The following C5 variants were observed in gnomAD, a reference collection of about 807,000 sequenced individuals.
C5 encodes the protein complement C5, also known as C3 and PZP-like alpha-2-macroglobulin domain-containing protein 4.
Under a neutral mutation model 218.8 loss-of-function variants are expected in C5, and 140 were observed. The ratio of observed to expected loss-of-function variants is 0.64; its 90% CI spans 0.56 to 0.74. The LOEUF (loss-of-function observed/expected upper bound fraction) is 0.74. C5 is among the 30% of genes least tolerant of loss of function. C5 has a pLI of 0.00. For missense variants in C5, 1,700 were observed against 1,969.6 expected, an observed-to-expected ratio of 0.86 and a Z score of 2.59; for synonymous variants, 614 against 682.3, an observed-to-expected ratio of 0.90 and a Z score of 1.56.
At chr9:120,960,480 C>T (rs2046818956) in intron 37 of C5, 143 bp from the exon 38 acceptor site, 1 of 650,186 alleles carries the variant, frequency 1.5e-6, no homozygotes, top group African/African-American at 1.8e-5. Flanking sequence ...TGCCCATTTT[C>T]TTTTCTTTCA....
chr9:121,022,653 G>A (rs1035569822), intron 10 of C5, among the ~76,000 whole-genome samples: 1 of 149,680 alleles, frequency 6.7e-6, no homozygotes, highest in Non-Finnish European at 1.5e-5. Context: ...AAAAAATTTT[G>A]CTCTGGATTT....
intron 4 of C5, 134 bp downstream of exon 4, chr9:121,037,747 T>C: frequency 1.9e-6 from 1 of 528,848 alleles, no homozygotes; most frequent in Non-Finnish European, 3.5e-6. Flanking sequence ...TATGATTCTA[T>C]ACTCATTGCA....
intron 31 of C5, among the ~76,000 whole-genome samples, chr9:120,971,655 T>C (rs1271736349): frequency 6.6e-6 from 1 of 152,208 alleles, no homozygotes; most frequent in African/African-American, 2.4e-5. Context: ...GCCAGGGTGG[T>C]CTTGATCTCC....
the C5 span, among the ~76,000 whole-genome samples, chr9:121,065,501 C>A: frequency 3.3e-5 from 5 of 152,072 alleles, no homozygotes; most frequent in Non-Finnish European, 7.4e-5. Context: ...CTGCTGTCAC[C>A]CAGGCTGGAG....
intron 9 of C5, among the ~76,000 whole-genome samples, chr9:121,024,230 A>G (rs1337967358): frequency 1.9e-4 from 1 of 5,222 alleles, no homozygotes; most frequent in African/African-American, 1.2e-3. Context: ...GGAGGGAGGG[A>G]GGGGAGGGGA....
intron 22 of C5, among the ~76,000 whole-genome samples, chr9:120,993,253 A>G (rs923777912): frequency 5.9e-5 from 9 of 152,204 alleles, no homozygotes; most frequent in African/African-American, 2.2e-4. Flanking sequence ...GGCATTAAAT[A>G]TGTATATATC....
Position 120,991,196 on chromosome 9 carries a change from A to G in C5, c.2936T>C (p.Val979Ala). The change falls in exon 23 of 41, where the codon GTA (valine) becomes GCA (alanine). Residue 979 changes from valine (V) to alanine (A), a missense_variant. By Grantham distance (64) the Val-to-Ala change is moderately conservative. Coordinates refer to ENST00000223642, the MANE Select transcript of C5 (RefSeq NM_001735.3). ...AATGGCATTTGTTAATTTACCTTTTACACTCAAAATCCTTTTGATTTCTGT... is the reference window on the plus strand; with the variant it reads ...AATGGCATTTGTTAATTTACCTTTTGCACTCAAAATCCTTTTGATTTCTGT... The part of the protein sequence containing the change: ...PKTEIKRILS[V>A]KGLLVGEILS... 6.3e-7 allele frequency: 1 copy of G among 1,577,666 alleles called. No individual in the cohort carries two copies. The highest frequency in any genetic ancestry group is 1.3e-5 in the African/African-American group (1 of 74,354).
At chr9:121,050,114 T>C (rs1200843182) in intron 1 of C5, 68 bp downstream of exon 1, 27 of 1,248,850 alleles carry the variant, frequency 2.2e-5, no homozygotes. Flanking sequence ...ACAGAATCTG[T>C]TAAATTTAAC....
chr9:120,998,750 A>G (rs1332450540), intron 20 of C5, among the ~76,000 whole-genome samples: 1 of 152,202 alleles, frequency 6.6e-6, no homozygotes, highest in Non-Finnish European at 1.5e-5. Context: ...AATAGTGCCC[A>G]CTGACTTCTG....
At chr9:121,049,117 GAATC>G (rs952939367) in intron 1 of C5, among the ~76,000 whole-genome samples, 11 of 152,192 alleles carry the variant, frequency 7.2e-5, no homozygotes, top group African/African-American at 1.9e-4. Flanking sequence ...AATATTTGTT[GAATC>G]AATCAATCAA....
chr9:121,023,369 A>G, intron 10 of C5, 35 bp downstream of exon 10: 1 of 1,214,986 alleles, frequency 8.2e-7, no homozygotes, highest in Non-Finnish European at 1.2e-6. Context: ...CAAGATGATC[A>G]TATGTAGCAA....
intron 16 of C5, among the ~76,000 whole-genome samples, chr9:121,014,724 A>T (rs1309599459): frequency 6.6e-6 from 1 of 152,214 alleles, no homozygotes; most frequent in Non-Finnish European, 1.5e-5. Flanking sequence ...CTACAGTAAC[A>T]TGACGAATTA....
chr9:120,958,610 A>T (rs7027891), intron 38 of C5, among the ~76,000 whole-genome samples: 30,116 of 151,838 alleles, frequency 0.2, 5,256 homozygotes, highest in African/African-American at 0.47. Context: ...AAGAAAGAAA[A>T]GTTATTAACC....
At chr9:121,047,913 T>G (rs113468788) in intron 1 of C5, among the ~76,000 whole-genome samples, 13 of 152,326 alleles carry the variant, frequency 8.5e-5, no homozygotes, top group African/African-American at 3.1e-4. Context: ...GGCACTATTC[T>G]GAATACTTTA....
chr9:121,041,212 G>T (rs1189349474), intron 3 of C5, among the ~76,000 whole-genome samples: 2 of 149,948 alleles, frequency 1.3e-5, no homozygotes, highest in Non-Finnish European at 3.0e-5. Flanking sequence ...CCAAAGTACT[G>T]GGATTACAGG....
At chr9:120,993,952 C>T (rs1403443695) in intron 22 of C5, among the ~76,000 whole-genome samples, 2 of 152,102 alleles carry the variant, frequency 1.3e-5, no homozygotes, top group Non-Finnish European at 2.9e-5. Context: ...CCTGCCTAAA[C>T]CAATGAGGAT....
At chr9:121,033,511 G>C (rs537323388) in intron 5 of C5, among the ~76,000 whole-genome samples, 1 of 152,332 alleles carries the variant, frequency 6.6e-6, no homozygotes, top group African/African-American at 2.4e-5. Context: ...ATGTGCAAAG[G>C]CACGGAGGTA....
At position 121,021,532 on chromosome 9, in the gene C5, C is replaced by T. The variant is rs769940933; in HGVS notation, c.1279G>A (p.Gly427Arg). 2 of 1,613,748 alleles carry T rather than the reference C, an allele frequency of 1.2e-6. No homozygotes were observed. The highest frequency in any genetic ancestry group is 8.5e-7 in the Non-Finnish European group (1 of 1,179,706). The change falls in exon 11 of 41, where the codon GGA (glycine) becomes AGA (arginine). Residue 427 changes from glycine to arginine, a missense_variant. Transcript: ENST00000223642. ...ACATTAAACTCCAGCACCGTCACTC[C>T]AGATGGGAGATTAAGCACAAAGGAA... is the stretch of plus-strand genomic sequence containing the variant. Reference protein sequence around the residue: ...VASFVLNLPSGVTVLEFNVKT... With the variant: ...VASFVLNLPSRVTVLEFNVKT...
At chr9:121,033,881 C>T (rs1394672744) in intron 5 of C5, among the ~76,000 whole-genome samples, 1 of 148,924 alleles carries the variant, frequency 6.7e-6, no homozygotes, top group Non-Finnish European at 1.5e-5. Context: ...CTCCTTCCTT[C>T]CTCCCTCCCC....
Sources: gnomAD v4.1 joint callset for allele counts (sites outside exome capture counted in the v4.1 genomes callset) on GRCh38, gnomAD v4.1.1 for gene constraint, MANE v1.5 for transcripts, NCBI Gene and HGNC (gene_info 2026-07-23, HGNC 2026-07-21) for gene names.